Variants in PTPRZ1 observed in about 807,000 individuals in gnomAD.
PTPRZ1 encodes receptor-type tyrosine-protein phosphatase zeta.
A neutral mutation model predicts 214.1 loss-of-function variants in PTPRZ1; 82 were observed. The observed-to-expected ratio is 0.38, with a 90% CI of 0.32 to 0.46. The LOEUF (loss-of-function observed/expected upper bound fraction) is 0.46, where lower values mean the gene tolerates loss of function less well. Among genes scored for constraint, PTPRZ1 ranks in the 20% least tolerant of loss-of-function variants. The pLI is 1.00. For missense variants in PTPRZ1, 2,603 were observed against 2,748.7 expected (o/e 0.95, Z 1.19); for synonymous variants, 945 against 987.9 (o/e 0.96, Z 0.81).
chr7:121,959,378 T>C (rs1796808995), intron 2 of PTPRZ1, among the ~76,000 whole-genome samples: 1 of 152,220 alleles, frequency 6.6e-6, no homozygotes, highest in African/African-American at 2.4e-5. Flanking sequence ...TCAGTTTTAA[T>C]AGCAGCTATA....
intron 23 of PTPRZ1, 133 bp from the exon 24 acceptor site, chr7:122,051,295 C>T (rs1792174227): frequency 7.9e-6 from 4 of 507,418 alleles, no homozygotes; most frequent in Non-Finnish European, 1.0e-5. Flanking sequence ...TGTTGGAAAA[C>T]ATTTCATATA....
chr7:121,941,521 T>A (rs1796240040), intron 2 of PTPRZ1, among the ~76,000 whole-genome samples: 1 of 152,246 alleles, frequency 6.6e-6, no homozygotes, highest in South Asian at 2.1e-4. Context: ...GAAAGTGGAA[T>A]TGCAAGTGCC....
chr7:121,874,101 C>T (rs1793977637), intron 1 of PTPRZ1, among the ~76,000 whole-genome samples: 1 of 151,386 alleles, frequency 6.6e-6, no homozygotes, highest in African/African-American at 2.4e-5. Flanking sequence ...ACCAACCTGA[C>T]TTTTCAGGGT....
At chr7:121,874,707 A>G (rs1793999360) in intron 1 of PTPRZ1, among the ~76,000 whole-genome samples, 1 of 152,184 alleles carries the variant, frequency 6.6e-6, no homozygotes, top group Non-Finnish European at 1.5e-5. Flanking sequence ...ACCCCCACAC[A>G]CGGACATAAT....
chr7:121,964,045 C>T (rs1329193524), intron 2 of PTPRZ1, among the ~76,000 whole-genome samples: 1 of 152,132 alleles, frequency 6.6e-6, no homozygotes, highest in Non-Finnish European at 1.5e-5. Flanking sequence ...AGACCTACAG[C>T]TGAGTAAAGA....
intron 10 of PTPRZ1, 145 bp from the exon 11 acceptor site, chr7:122,004,469 T>C: frequency 1.8e-6 from 1 of 548,350 alleles, no homozygotes; most frequent in East Asian, 3.6e-5. Context: ...AAATTTGGAA[T>C]TTTTATTGTG....
intron 2 of PTPRZ1, among the ~76,000 whole-genome samples, chr7:121,961,676 C>A (rs1201300983): frequency 1.3e-5 from 2 of 152,170 alleles, no homozygotes; most frequent in East Asian, 3.9e-4. Context: ...ATATTGAAGA[C>A]ATTCATTTGA....
At position 122,011,397 on chromosome 7, in the gene PTPRZ1, C is replaced by A; in HGVS notation, c.2351C>A (p.Thr784Asn). The change falls in exon 12 of 30, where the codon ACC becomes AAC. Residue 784 changes from threonine (T) to asparagine (N), a missense_variant. By Grantham distance (65) the Thr-to-Asn change is moderately conservative. Transcript: ENST00000393386. ...CTTGACAATCAGATCCTCAACACTA[C>A]CCCTGCTGCTTCAAGTAGTGATTCG... ...LLLDNQILNT[T>N]PAASSSDSAL... 6.2e-7 allele frequency: 1 copy of A among 1,614,050 alleles called. No homozygotes were observed. Among genetic ancestry groups the A allele is most frequent in the Non-Finnish European group, 8.5e-7 (1 of 1,179,918 alleles).
chr7:121,976,108 A>G, intron 4 of PTPRZ1, 65 bp from the exon 5 acceptor site: 4 of 1,105,026 alleles, frequency 3.6e-6, no homozygotes, highest in Admixed American at 3.8e-5. Flanking sequence ...TAGAATGTAG[A>G]ATTCTCTTTG....
intron 1 of PTPRZ1, among the ~76,000 whole-genome samples, chr7:121,909,440 T>A (rs545322359): frequency 6.6e-6 from 1 of 152,310 alleles, no homozygotes; most frequent in East Asian, 1.9e-4. Context: ...TATTACTTAT[T>A]CATTGACTGC....
chr7:121,899,559 GCTAT>G (rs944996738), intron 1 of PTPRZ1, among the ~76,000 whole-genome samples: 1 of 152,092 alleles, frequency 6.6e-6, no homozygotes, highest in African/African-American at 2.4e-5. Flanking sequence ...TTTCTTTCAG[GCTAT>G]CTCTCTCCTG....
In PTPRZ1 at chr7:121,973,014, A is replaced by G. The variant is rs866825481; in HGVS notation, c.456+322A>G. On this transcript the variant is annotated intron_variant, in intron 4 of 29. Coordinates refer to ENST00000393386, the MANE Select transcript of PTPRZ1 (RefSeq NM_002851.3). ...AAATCTTTTGATTAAAATGAGAAAA[A>G]TTTTCAGCTTTAAAATTGGCAAAGT... 2.1e-4 allele frequency among the ~76,000 whole-genome samples: 32 copies of G among 152,250 alleles called. 1 individual carries two copies. Among genetic ancestry groups the G allele is most frequent in the African/African-American group, 7.5e-4 (31 of 41,556 alleles).
At chr7:122,020,271 G>C (rs1798976500) in intron 13 of PTPRZ1, among the ~76,000 whole-genome samples, 1 of 152,108 alleles carries the variant, frequency 6.6e-6, no homozygotes, top group African/African-American at 2.4e-5. Flanking sequence ...AATGAAAAAA[G>C]AGTCAGTGAT....
At chr7:122,037,192 G>T (rs1277240001) in intron 18 of PTPRZ1, among the ~76,000 whole-genome samples, 1 of 151,608 alleles carries the variant, frequency 6.6e-6, no homozygotes, top group Non-Finnish European at 1.5e-5. Flanking sequence ...GGAGAATGGC[G>T]TGAACCCGGG....
chr7:121,997,058 A>G (rs1004099502), intron 9 of PTPRZ1, among the ~76,000 whole-genome samples: 2 of 152,216 alleles, frequency 1.3e-5, no homozygotes, highest in East Asian at 1.9e-4. Context: ...CATTTCTTAC[A>G]AAAAGATCCA....
At chr7:121,975,148 C>T (rs765487073) in intron 4 of PTPRZ1, among the ~76,000 whole-genome samples, 7 of 152,182 alleles carry the variant, frequency 4.6e-5, no homozygotes, top group Non-Finnish European at 1.0e-4. Flanking sequence ...GATCATGCCA[C>T]TGCATTCCAG....
intron 11 of PTPRZ1, among the ~76,000 whole-genome samples, chr7:122,006,114 T>C (rs1457152382): frequency 6.6e-6 from 1 of 152,110 alleles, no homozygotes; most frequent in East Asian, 1.9e-4. Flanking sequence ...CATGTGACTT[T>C]ATATGCATTT....
chr7:122,061,048 G>A (rs752355940), intron 29 of PTPRZ1, 32 bp from the exon 30 acceptor site: 23 of 1,554,302 alleles, frequency 1.5e-5, no homozygotes, highest in Middle Eastern at 1.7e-4. Flanking sequence ...ACTGAGCTTC[G>A]CATTTATTAC....
At chr7:121,932,064 G>A (rs1241509983) in intron 2 of PTPRZ1, among the ~76,000 whole-genome samples, 2 of 152,098 alleles carry the variant, frequency 1.3e-5, no homozygotes, top group African/African-American at 2.4e-5. Flanking sequence ...ATTATTCCTA[G>A]AATATTTGAG....
Sources: gnomAD v4.1 joint callset for allele counts (sites outside exome capture counted in the v4.1 genomes callset) on GRCh38, gnomAD v4.1.1 for gene constraint, MANE v1.5 for transcripts, NCBI Gene and HGNC (gene_info 2026-07-23, HGNC 2026-07-21) for gene names.